The following STARD5 variants were observed in gnomAD, a reference collection of about 807,000 sequenced individuals.
STARD5 encodes the protein stAR-related lipid transfer protein 5.
STARD5 carries 26 observed loss-of-function variants against 24.6 expected under a neutral mutation model. The observed-to-expected ratio is 1.06, with a 90% CI of 0.77 to 1.47. The LOEUF is 1.47. STARD5 is among the 40% of genes most tolerant of loss of function. The probability of loss-of-function intolerance (pLI) is 0.00; values close to 1 mark genes in which losing one functional copy is unlikely to be tolerated. For missense variants in STARD5, 254 were observed against 270.8 expected (o/e 0.94, Z 0.44); for synonymous variants, 101 against 99.7 (o/e 1.01, Z -0.07).
chr15:81,312,480 C>T lies in STARD5; in HGVS notation c.*776G>A, dbSNP rs987401240. On this transcript the variant is annotated 3_prime_UTR_variant, in exon 6 of 6. Transcript: ENST00000302824. ...GGAAAGAAAAGGAAGGCTCTTCTCC[C>T]CAGAGTTCCCCATGCAGACATGAGT... 4 of 152,282 alleles carry T rather than the reference C, an allele frequency of 2.6e-5. No individual in the cohort carries two copies. The highest frequency in any genetic ancestry group is 9.6e-5 in the African/African-American group (4 of 41,456). 9.4% of individuals were successfully genotyped at this position (152,282 alleles called of 1,614,324 possible).
At chr15:81,323,795 T>C (rs1567057201) in intron 1 of STARD5, 5 of 705,250 alleles carry the variant, frequency 7.1e-6, no homozygotes, top group Admixed American at 2.4e-5. Context: ...AAGGAACAGA[T>C]ACTTACCACC....
intron 3 of STARD5, among the ~76,000 whole-genome samples, chr15:81,319,723 G>C (rs529349083): frequency 2.6e-5 from 4 of 152,360 alleles, no homozygotes; most frequent in African/African-American, 9.6e-5. Flanking sequence ...GTGACCATAA[G>C]AGGTACCATT....
intron 3 of STARD5, among the ~76,000 whole-genome samples, chr15:81,320,115 C>A (rs1313934312): frequency 1.3e-5 from 2 of 152,140 alleles, no homozygotes; most frequent in East Asian, 3.9e-4. Flanking sequence ...TCCCATCCTG[C>A]AAGAGAGTGG....
intron 1 of STARD5, chr15:81,323,797 C>CT: frequency 1.4e-6 from 1 of 707,444 alleles, no homozygotes; most frequent in South Asian, 1.7e-5. Flanking sequence ...GGAACAGATA[C>CT]TTACCACCTG....
intron 2 of STARD5, 109 bp downstream of exon 2, chr15:81,322,781 TGGAGGACAA>T: frequency 7.1e-7 from 1 of 1,415,826 alleles, no homozygotes; most frequent in South Asian, 1.2e-5. Context: ...AAGGCTTTTC[TGGAGGACAA>T]GTGATCACAG....
At chr15:81,321,608 CA>C (rs33955634) in intron 3 of STARD5, among the ~76,000 whole-genome samples, 221 of 137,756 alleles carry the variant, frequency 1.6e-3, no homozygotes, top group African/African-American at 4.2e-3. Flanking sequence ...GATTCCGTCT[CA>C]AAAAAAAAAA....
rs1229792269 is a variant in STARD5, at chr15:81,310,790, G to A, written c.*2466C>T. ...AAGACTGGAAGGTGGGGACAGGGATGAGCATGGAGCTGGCCGTGGGCCTGG... is the reference window on the plus strand; with the variant it reads ...AAGACTGGAAGGTGGGGACAGGGATAAGCATGGAGCTGGCCGTGGGCCTGG... On this transcript the variant is annotated 3_prime_UTR_variant, in exon 6 of 6. Coordinates refer to ENST00000302824, the MANE Select transcript of STARD5 (RefSeq NM_181900.3). 6.6e-6 allele frequency: 1 copy of A among 152,316 alleles called. No individual in the cohort carries two copies. The highest frequency in any genetic ancestry group is 2.4e-5 in the African/African-American group (1 of 41,436). 9.4% of individuals were successfully genotyped at this position (152,316 alleles called of 1,614,324 possible).
At chr15:81,318,574 G>A (rs900234159) in intron 4 of STARD5, 72 bp from the exon 5 acceptor site, 1 of 1,377,086 alleles carries the variant, frequency 7.3e-7, no homozygotes, top group Non-Finnish European at 1.0e-6. Flanking sequence ...GGGTGCCATA[G>A]AGCACACAGA....
intron 2 of STARD5, 115 bp downstream of exon 2, chr15:81,322,783 GA>G: frequency 1.4e-6 from 2 of 1,411,032 alleles, no homozygotes; most frequent in Non-Finnish European, 2.0e-6. Context: ...GGCTTTTCTG[GA>G]GGACAAGTGA....
chr15:81,323,913 CG>C, intron 1 of STARD5, 87 bp downstream of exon 1: 1 of 1,359,450 alleles, frequency 7.4e-7, no homozygotes. Context: ...CAGAAAACAA[CG>C]GGGAGAGGAG....
intron 3 of STARD5, 72 bp from the exon 4 acceptor site, chr15:81,319,528 CAAGGTCTGGGA>C: frequency 7.3e-7 from 1 of 1,368,108 alleles, no homozygotes; most frequent in Non-Finnish European, 1.0e-6. Flanking sequence ...CCCCATCCCT[CAAGGTCTGGGA>C]AAGGTACTAG....
rs752522644 is a variant in STARD5, at chr15:81,321,215, C to T, written c.282+1193G>A. Reference sequence around the variant, plus strand: ...AGCTCCCATTCATCTCATCTAAAGACGCAAAATGTTTTACTTGTCACGTTT... The same window carrying T: ...AGCTCCCATTCATCTCATCTAAAGATGCAAAATGTTTTACTTGTCACGTTT... On this transcript the variant is annotated intron_variant, in intron 3 of 5. Coordinates refer to ENST00000302824, the MANE Select transcript of STARD5 (RefSeq NM_181900.3). Among the ~76,000 whole-genome samples, 8 of 152,212 alleles carry T rather than the reference C, an allele frequency of 5.3e-5. No homozygotes were observed. In the South Asian group the frequency reaches 8.3e-4, roughly 16 times the overall value.
At chr15:81,321,963 G>C (rs530317940) in intron 3 of STARD5, among the ~76,000 whole-genome samples, 9 of 152,314 alleles carry the variant, frequency 5.9e-5, no homozygotes, top group Admixed American at 4.6e-4. Context: ...GTTATTAATA[G>C]ACATCAACTG....
chr15:81,318,154 G>T (rs1233241693), intron 5 of STARD5, among the ~76,000 whole-genome samples: 2 of 152,178 alleles, frequency 1.3e-5, no homozygotes, highest in African/African-American at 4.8e-5. Flanking sequence ...TAACCTGGAG[G>T]CTGCAGGGAA....
chr15:81,316,092 C>T (rs927193510), intron 5 of STARD5, among the ~76,000 whole-genome samples: 2 of 152,176 alleles, frequency 1.3e-5, no homozygotes, highest in African/African-American at 4.8e-5. Flanking sequence ...GCTCCGGCTC[C>T]TGCTCCCACT....
intron 3 of STARD5, among the ~76,000 whole-genome samples, chr15:81,320,941 T>C (rs1025645679): frequency 3.9e-5 from 6 of 152,228 alleles, no homozygotes; most frequent in African/African-American, 9.6e-5. Flanking sequence ...TCATCGATCA[T>C]CTATCTATTT....
Position 81,322,529 on chromosome 15 carries a change from T to C in STARD5, c.161A>G (p.Glu54Gly), listed in dbSNP as rs1567056877. 3 of 1,614,102 alleles carry C rather than the reference T, an allele frequency of 1.9e-6. No individual in the cohort carries two copies. In the South Asian group the frequency reaches 3.3e-5, roughly 18 times the overall value. ...CTCTAGTGTCCCATATACAATGCCT[T>C]CTCCTCGGTACCTGGAGCACGAAAA... ...VEFPGNLYRG[E>G]GIVYGTLEEV... Residue 54 changes from glutamate to glycine, a missense_variant, in exon 3 of 6, where the codon GAA becomes GGA. Physicochemically the swap from Glu to Gly is moderately conservative, Grantham distance 98. Transcript: ENST00000302824.
At position 81,310,916 on chromosome 15, in the gene STARD5, C is replaced by G. The variant is rs140102059; in HGVS notation, c.*2340G>C. ...GCATAGATGCAGGTGAGCCCATGGC[C>G]CTCCCAGTACCTCCTGTCTCTGGCC... On this transcript the variant is annotated 3_prime_UTR_variant, in exon 6 of 6. Transcript: ENST00000302824. 1 of 152,302 alleles carries G rather than the reference C, an allele frequency of 6.6e-6. No homozygotes were observed. The highest frequency in any genetic ancestry group is 2.4e-5 in the African/African-American group (1 of 41,518). The allele number at this position is 152,302 out of a possible 1,614,324, so 9.4% of individuals were successfully genotyped here. A position where few individuals can be genotyped will look rare whatever the true frequency, so the allele number is the denominator to read the frequency against.
At chr15:81,314,301 A>G (rs1416358128) in intron 5 of STARD5, among the ~76,000 whole-genome samples, 1 of 152,214 alleles carries the variant, frequency 6.6e-6, no homozygotes, top group Non-Finnish European at 1.5e-5. Flanking sequence ...AGAAGCTCAG[A>G]GGACGGCAGG....
Sources: allele counts gnomAD v4.1 joint callset (sites outside exome capture counted in the v4.1 genomes callset), GRCh38; gene constraint gnomAD v4.1.1; transcripts MANE v1.5; gene names NCBI Gene and HGNC (gene_info 2026-07-23, HGNC 2026-07-21).